Variants in HIGD1B observed in about 807,000 individuals in gnomAD.
HIGD1B encodes HIG1 domain family member 1B.
In HIGD1B, 9 loss-of-function variants were observed where a neutral mutation model predicts 8.8. The ratio of observed to expected loss-of-function variants is 1.02; its 90% CI spans 0.62 to 1.78. The LOEUF is 1.78. HIGD1B is among the 40% of genes most tolerant of loss of function. The probability of loss-of-function intolerance (pLI) is 0.00; values close to 1 mark genes in which losing one functional copy is unlikely to be tolerated. For synonymous variants in HIGD1B, 47 were observed against 38.8 expected (o/e 1.21, Z -0.78); for missense variants, 126 against 111.8 (o/e 1.13, Z -0.57).
upstream of HIGD1B, among the ~76,000 whole-genome samples, chr17:44,846,740 T>C (rs1021936863): frequency 5.3e-5 from 8 of 149,996 alleles, no homozygotes; most frequent in East Asian, 9.9e-4. Flanking sequence ...CTTGCAGGGA[T>C]TGACACTGCA....
At chr17:44,847,847 A>G (rs1567723105), upstream of HIGD1B, 1 of 268,942 alleles carries the variant, frequency 3.7e-6, no homozygotes, top group East Asian at 1.0e-4. Flanking sequence ...TCACACCCAT[A>G]GGGATGCAGA....
chr17:44,849,539 A>T, intron 2 of HIGD1B, 151 bp downstream of exon 2: 1 of 832,214 alleles, frequency 1.2e-6, no homozygotes, highest in Non-Finnish European at 1.8e-6. Flanking sequence ...AGGCGGGCAG[A>T]TCATGAGGTC....
chr17:44,846,439 A>G (rs75042717), upstream of HIGD1B: 1 of 152,462 alleles, frequency 6.6e-6, no homozygotes, highest in Admixed American at 6.5e-5. Context: ...AAGCACCAGC[A>G]TGCCAACGAC....
chr17:44,847,059 C>T (rs2050330211), upstream of HIGD1B, among the ~76,000 whole-genome samples: 1 of 151,880 alleles, frequency 6.6e-6, no homozygotes, highest in South Asian at 2.1e-4. Flanking sequence ...TCAACCAGGA[C>T]CTGGGAGGCG....
intron 1 of HIGD1B, 93 bp downstream of exon 1, chr17:44,848,345 A>C: frequency 1.4e-6 from 1 of 734,158 alleles, no homozygotes; most frequent in South Asian, 1.6e-5. Flanking sequence ...AGGTCAGAAA[A>C]CTCAAGTGGT....
intron 1 of HIGD1B, chr17:44,849,042 CT>C (rs1567724015): frequency 8.0e-6 from 4 of 499,066 alleles, no homozygotes; most frequent in Non-Finnish European, 1.4e-5. Flanking sequence ...CCCAAAAGTG[CT>C]GGGATTACAG....
At chr17:44,845,716 A>C (rs1363663742), upstream of HIGD1B, among the ~76,000 whole-genome samples, 1 of 151,906 alleles carries the variant, frequency 6.6e-6, no homozygotes, top group Non-Finnish European at 1.5e-5. Context: ...GGTGGATCAC[A>C]AGGTCAGGAT....
upstream of HIGD1B, among the ~76,000 whole-genome samples, chr17:44,846,909 G>A (rs540793757): frequency 6.6e-6 from 1 of 152,262 alleles, no homozygotes; most frequent in South Asian, 2.1e-4. Flanking sequence ...GCCGAGGTGG[G>A]CGGATCAAGA....
intron 2 of HIGD1B, 83 bp from the exon 3 acceptor site, chr17:44,850,249 G>C: frequency 9.3e-7 from 1 of 1,076,622 alleles, no homozygotes; most frequent in South Asian, 1.4e-5. Flanking sequence ...AGCAGCTAGA[G>C]GTGAACCCCT....
chr17:44,845,116 G>A (rs1394492267), upstream of HIGD1B, among the ~76,000 whole-genome samples: 1 of 151,950 alleles, frequency 6.6e-6, no homozygotes, highest in Non-Finnish European at 1.5e-5. Context: ...AAATTAGCTG[G>A]GCATGGTGGC....
At chr17:44,846,623 G>A (rs1414671904), upstream of HIGD1B, among the ~76,000 whole-genome samples, 2 of 151,818 alleles carry the variant, frequency 1.3e-5, no homozygotes, top group African/African-American at 4.8e-5. Flanking sequence ...TGGCAAAACT[G>A]TCTCTACAAA....
chr17:44,849,122 AC>A, intron 1 of HIGD1B, 131 bp from the exon 2 acceptor site: 7 of 719,782 alleles, frequency 9.7e-6, no homozygotes, highest in East Asian at 7.9e-5. Context: ...CGCAACGCCC[AC>A]CCCCCGCCAC....
In HIGD1B at chr17:44,850,379, G is replaced by T; in HGVS notation, c.283G>T (p.Asp95Tyr). The part of the protein sequence containing the change: ...YSDYVKRMAQ[D>Y]AGEK ...CGATTACGTCAAGAGGATGGCACAGGATGCTGGAGAGAAGTAGGACTCCTA... is the reference window on the plus strand; with the variant it reads ...CGATTACGTCAAGAGGATGGCACAGTATGCTGGAGAGAAGTAGGACTCCTA... The change falls in exon 3 of 3, where the codon GAT becomes TAT. Residue 95 changes from aspartate to tyrosine, a missense_variant. By Grantham distance (160) the Asp-to-Tyr change is radical (BLOSUM62 -3). Coordinates refer to ENST00000253410, the MANE Select transcript of HIGD1B (RefSeq NM_016438.4). 1 of 1,613,126 alleles carries T rather than the reference G, an allele frequency of 6.2e-7. No homozygotes were observed. The highest frequency in any genetic ancestry group is 8.5e-7 in the Non-Finnish European group (1 of 1,179,402).
Position 44,849,342 on chromosome 17 carries a change from C to A in HIGD1B, c.189C>A (p.His63Gln). ...GSTKMSIHLI[H>Q]TRVAAQACAV... ...CCAAGATGTCCATACACCTGATTCA[C>A]ACCCGAGTGGCAGCGCAGGCCTGTG... Residue 63 changes from histidine to glutamine, a missense_variant, in exon 2 of 3, where the codon CAC (histidine) becomes CAA (glutamine). Physicochemically the swap from His to Gln is conservative, Grantham distance 24 (BLOSUM62 0). Transcript: ENST00000253410. The A allele has an allele frequency of 6.2e-7, 1 of 1,614,170 alleles. No individual in the cohort carries two copies. Among genetic ancestry groups the A allele is most frequent in the Non-Finnish European group, 8.5e-7 (1 of 1,180,030 alleles).
At chr17:44,849,462 A>G in intron 2 of HIGD1B, 74 bp downstream of exon 2, 2 of 1,571,924 alleles carry the variant, frequency 1.3e-6, no homozygotes, top group Non-Finnish European at 1.7e-6. Context: ...AGTCCCAACA[A>G]TTAAAAGGAC....
chr17:44,848,024 G>A lies in HIGD1B; in HGVS notation c.-129G>A. The A allele has an allele frequency of 3.3e-6, 2 of 602,828 alleles. No individual in the cohort carries two copies. Among genetic ancestry groups the A allele is most frequent in the Non-Finnish European group, 6.0e-6 (2 of 335,716 alleles). 37.3% of individuals were successfully genotyped at this position (602,828 alleles called of 1,614,324 possible). On this transcript the variant is annotated 5_prime_UTR_variant, in exon 1 of 3. Coordinates refer to ENST00000253410, the MANE Select transcript of HIGD1B (RefSeq NM_016438.4). ...GAGGCTGTGTTGGGGCATGGTGAGA[G>A]AGGGTCTTAGCAGGTAACCTTCCTT...
rs1374421986 is a variant in HIGD1B at position 44,849,332 on chromosome 17, A to G, written c.179A>G (p.His60Arg). 1.9e-6 allele frequency: 3 copies of G among 1,613,980 alleles called. No individual in the cohort carries two copies. Among genetic ancestry groups the G allele is most frequent in the Non-Finnish European group, 2.5e-6 (3 of 1,180,020 alleles). The change falls in exon 2 of 3, where the codon CAC becomes CGC. Residue 60 changes from histidine to arginine, a missense_variant. By Grantham distance (29) the His-to-Arg change is conservative. Coordinates refer to ENST00000253410, the MANE Select transcript of HIGD1B (RefSeq NM_016438.4). ...CGTGGTTCCACCAAGATGTCCATAC[A>G]CCTGATTCACACCCGAGTGGCAGCG... ...RSRGSTKMSI[H>R]LIHTRVAAQA...
upstream of HIGD1B, among the ~76,000 whole-genome samples, chr17:44,847,470 T>C (rs1335467409): frequency 6.6e-6 from 1 of 152,234 alleles, no homozygotes; most frequent in Non-Finnish European, 1.5e-5. Context: ...GCAGAACCCT[T>C]GTTTCCAGCC....
Position 44,849,336 on chromosome 17 carries a change from G to A in HIGD1B, c.183G>A (p.Leu61=), listed in dbSNP as rs957289175. Residue 61 remains leucine (L), a synonymous_variant, in exon 2 of 3, where the codon CTG becomes CTA. Coordinates refer to ENST00000253410, the MANE Select transcript of HIGD1B (RefSeq NM_016438.4). ...SRGSTKMSIH[L]IHTRVAAQAC... Reference sequence around the variant, plus strand: ...GTTCCACCAAGATGTCCATACACCTGATTCACACCCGAGTGGCAGCGCAGG... The same window carrying A: ...GTTCCACCAAGATGTCCATACACCTAATTCACACCCGAGTGGCAGCGCAGG... 1.2e-6 allele frequency: 2 copies of A among 1,614,192 alleles called. No individual in the cohort carries two copies. Among genetic ancestry groups the A allele is most frequent in the Non-Finnish European group, 1.7e-6 (2 of 1,180,042 alleles).
Sources: gnomAD v4.1 joint callset for allele counts (sites outside exome capture counted in the v4.1 genomes callset) on GRCh38, gnomAD v4.1.1 for gene constraint, MANE v1.5 for transcripts, NCBI Gene and HGNC (gene_info 2026-07-23, HGNC 2026-07-21) for gene names.